ROBO2: variants seen among roughly 807,000 people sequenced by gnomAD.
The protein encoded by ROBO2 is roundabout homolog 2.
A neutral mutation model predicts 160.8 loss-of-function variants in ROBO2; 53 were observed. The ratio of observed to expected loss-of-function variants is 0.33; its 90% CI spans 0.26 to 0.41. The LOEUF (loss-of-function observed/expected upper bound fraction) is 0.41. Ranked by LOEUF, ROBO2 falls within the 10% of genes least tolerant of loss-of-function variation. The pLI, the probability that ROBO2 is intolerant of heterozygous loss-of-function variation, is 1.00. For missense variants in ROBO2, 1,577 were observed against 1,722.4 expected (o/e 0.92, Z 1.49); for synonymous variants, 664 against 611.7 (o/e 1.09, Z -1.26).
chr3:77,002,235 G>A (rs971404994), intron 2 of ROBO2, among the ~76,000 whole-genome samples: 3 of 151,776 alleles, frequency 2.0e-5, no homozygotes, highest in Non-Finnish European at 4.4e-5. Context: ...GGGACTTGAT[G>A]ACAAATTAAT....
chr3:76,008,879 C>G (rs2066109173), intron 2 of ROBO2, among the ~76,000 whole-genome samples: 1 of 151,934 alleles, frequency 6.6e-6, no homozygotes, highest in Non-Finnish European at 1.5e-5. Flanking sequence ...CCCAAAGAAA[C>G]GGGGAAATCT....
chr3:77,409,033 A>C (rs1264933507), intron 2 of ROBO2, among the ~76,000 whole-genome samples: 1 of 151,282 alleles, frequency 6.6e-6, no homozygotes, highest in African/African-American at 2.4e-5. Flanking sequence ...CATACCTGGA[A>C]TCCATCTTTT....
chr3:77,620,132 C>T (rs1413202940), intron 22 of ROBO2, among the ~76,000 whole-genome samples: 1 of 152,172 alleles, frequency 6.6e-6, no homozygotes, highest in East Asian at 1.9e-4. Context: ...CCTACTCAAC[C>T]AGCAATCTTT....
rs532570225 is a variant in ROBO2, at chr3:77,541,673, G to A, written c.935-4665G>A. On this transcript the variant is annotated intron_variant, in intron 6 of 25. Coordinates refer to ENST00000461745, the Ensembl canonical transcript of ROBO2. ...TAAATTGTGTCATTCTGTTTGCTTC[G>A]TCTCATTTCTAGTTATAGCTGAAGC... 7.2e-5 allele frequency among the ~76,000 whole-genome samples: 11 copies of A among 152,166 alleles called. 1 individual carries two copies. Among genetic ancestry groups the A allele is most frequent in the East Asian group, 1.9e-4 (1 of 5,174 alleles).
At chr3:76,756,604 G>A (rs1409245148) in intron 2 of ROBO2, among the ~76,000 whole-genome samples, 1 of 151,850 alleles carries the variant, frequency 6.6e-6, no homozygotes, top group Non-Finnish European at 1.5e-5. Context: ...ATTTGCACAT[G>A]GTTTCCATAA....
chr3:75,957,513 GT>G (rs553676233), intron 2 of ROBO2, among the ~76,000 whole-genome samples: 243 of 142,256 alleles, frequency 1.7e-3, no homozygotes, highest in East Asian at 6.4e-3. Context: ...TTAATAGAAG[GT>G]TTTTTTTTTT....
intron 2 of ROBO2, among the ~76,000 whole-genome samples, chr3:76,712,211 A>T (rs2093307930): frequency 6.6e-6 from 1 of 152,232 alleles, no homozygotes; most frequent in Admixed American, 6.5e-5. Context: ...CCCTTGCAGA[A>T]AGCAAATCAA....
intron 2 of ROBO2, among the ~76,000 whole-genome samples, chr3:76,560,416 A>G (rs2084093970): frequency 6.6e-6 from 1 of 152,062 alleles, no homozygotes; most frequent in East Asian, 1.9e-4. Flanking sequence ...TATCTTAATT[A>G]TGTTTCTAAA....
chr3:75,934,640 G>C (rs1412462122), intron 1 of ROBO2, among the ~76,000 whole-genome samples: 12 of 152,112 alleles, frequency 7.9e-5, no homozygotes, highest in Admixed American at 7.9e-4. Flanking sequence ...TGGCATTTAT[G>C]AAATATTAGT....
chr3:76,484,772 T>C (rs951784220), intron 2 of ROBO2, among the ~76,000 whole-genome samples: 5 of 152,270 alleles, frequency 3.3e-5, no homozygotes, highest in Non-Finnish European at 5.9e-5. Flanking sequence ...GGCCTATATC[T>C]ACAGGCCAGC....
At chr3:76,327,974 G>C (rs528831368) in intron 2 of ROBO2, among the ~76,000 whole-genome samples, 1 of 152,192 alleles carries the variant, frequency 6.6e-6, no homozygotes, top group East Asian at 1.9e-4. Flanking sequence ...CAATGAGACA[G>C]GGAAAGGTTG....
intron 2 of ROBO2, among the ~76,000 whole-genome samples, chr3:76,761,589 T>C (rs2061312900): frequency 6.6e-6 from 1 of 151,798 alleles, no homozygotes; most frequent in Non-Finnish European, 1.5e-5. Context: ...TTATATACTG[T>C]CTTTTTTCTC....
intron 2 of ROBO2, among the ~76,000 whole-genome samples, chr3:76,414,008 G>C (rs1220474030): frequency 6.6e-6 from 1 of 152,146 alleles, no homozygotes; most frequent in African/African-American, 2.4e-5. Flanking sequence ...GAGGCAAAAG[G>C]CACTTCTTAC....
At chr3:75,938,295 A>T (rs1947889521) in intron 2 of ROBO2, among the ~76,000 whole-genome samples, 1 of 151,756 alleles carries the variant, frequency 6.6e-6, no homozygotes, top group South Asian at 2.1e-4. Context: ...AGTATCTCTG[A>T]GTGTATTTTG....
intron 2 of ROBO2, among the ~76,000 whole-genome samples, chr3:76,834,062 T>TTTTCTTTTCTTTCTTTCTTTC (rs1553651247): frequency 2.3e-5 from 2 of 88,010 alleles, no homozygotes; most frequent in Non-Finnish European, 4.4e-5. Context: ...CCTTTCTTTC[T>TTTTCTTTTCTTTCTTTCTTTC]TTTCTTTCTT....
chr3:77,062,954 T>C (rs2066469822), intron 1 of ROBO2, among the ~76,000 whole-genome samples: 1 of 152,184 alleles, frequency 6.6e-6, no homozygotes, highest in Non-Finnish European at 1.5e-5. Context: ...CAGTTACATT[T>C]TTTTTAATAA....
At chr3:76,252,758 TACACACACACACACACACAC>T (rs113177987) in intron 2 of ROBO2, among the ~76,000 whole-genome samples, 1 of 53,512 alleles carries the variant, frequency 1.9e-5, no homozygotes. Flanking sequence ...TGTATATGTA[TACACACACACACACACACAC>T]ACACACACAC....
chr3:77,039,413 G>T (rs1403137453), upstream of ROBO2, among the ~76,000 whole-genome samples: 2 of 152,270 alleles, frequency 1.3e-5, no homozygotes, highest in East Asian at 3.9e-4. Context: ...GTGCAGCTCC[G>T]GCAGACGGAG....
chr3:76,294,346 T>A (rs534309150), intron 2 of ROBO2, among the ~76,000 whole-genome samples: 1 of 152,016 alleles, frequency 6.6e-6, no homozygotes, highest in African/African-American at 2.4e-5. Context: ...TCCGGCTCAG[T>A]GGAGTGGATA....
Sources: gnomAD v4.1 joint callset for allele counts (sites outside exome capture counted in the v4.1 genomes callset) on GRCh38, gnomAD v4.1.1 for gene constraint, MANE v1.5 for transcripts, NCBI Gene and HGNC (gene_info 2026-07-23, HGNC 2026-07-21) for gene names.